FZD3: variants seen among roughly 807,000 people sequenced by gnomAD.
FZD3 encodes frizzled class receptor 3.
FZD3 carries 30 observed loss-of-function variants against 60.7 expected under a neutral mutation model. The ratio of observed to expected loss-of-function variants is 0.49; its 90% confidence interval spans 0.37 to 0.67. FZD3 has a LOEUF of 0.67. Ranked by LOEUF, FZD3 falls within the 30% of genes least tolerant of loss-of-function variation. The probability of loss-of-function intolerance (pLI) is 0.00; values close to 1 mark genes in which losing one functional copy is unlikely to be tolerated. For missense variants in FZD3, 605 were observed against 838.7 expected, an observed-to-expected ratio of 0.72 and a Z score of 3.44; for synonymous variants, 246 against 275.2, an observed-to-expected ratio of 0.89 and a Z score of 1.05.
At chr8:28,535,251 G>A (rs1025351964) in intron 5 of FZD3, among the ~76,000 whole-genome samples, 5 of 151,902 alleles carry the variant, frequency 3.3e-5, no homozygotes, top group African/African-American at 9.7e-5. Context: ...AAATAAAATT[G>A]TAGGTTTTAG....
chr8:28,563,057 T>C lies in FZD3; in HGVS notation c.*46T>C, dbSNP rs748452202. ...AATCTTGTGCTGTTTAAAAAGCAGA[T>C]TTTATTCTTTGCCTTTTGCATGACT... On this transcript the variant is annotated 3_prime_UTR_variant, in exon 8 of 8. Coordinates refer to ENST00000240093, the MANE Select transcript of FZD3 (RefSeq NM_017412.4). 3.0e-6 allele frequency: 4 copies of C among 1,325,328 alleles called. No homozygotes were observed. In the South Asian group the frequency reaches 4.7e-5, roughly 16 times the overall value. 82.1% of individuals were successfully genotyped at this position (1,325,328 alleles called of 1,614,324 possible). A position where few individuals can be genotyped will look rare whatever the true frequency, so the allele number is the denominator to read the frequency against.
chr8:28,570,068 A>G lies in FZD3; in HGVS notation c.*7057A>G, dbSNP rs1805776846. ...TTTATTACATAAATATAGTTGCCAG[A>G]TTGCCATGGGCAAGTGAATGTCTTC... is the stretch of plus-strand genomic sequence containing the variant. On this transcript the variant is annotated 3_prime_UTR_variant, in exon 8 of 8. Transcript: ENST00000240093. The G allele has an allele frequency of 6.6e-6, 1 of 152,268 alleles. No individual in the cohort carries two copies. Among genetic ancestry groups the G allele is most frequent in the Non-Finnish European group, 1.5e-5 (1 of 68,046 alleles). The allele number at this position is 152,268 out of a possible 1,614,324, so 9.4% of individuals were successfully genotyped here.
rs1204552510 is a variant in FZD3 at position 28,569,150 on chromosome 8, A to G, written c.*6139A>G. On this transcript the variant is annotated 3_prime_UTR_variant, in exon 8 of 8. Transcript: ENST00000240093. ...AAGTCAGCTTGTTTGTATATGCTAA[A>G]TTGCAGATATTTCTTTGTGTTGTGC... is the stretch of plus-strand genomic sequence containing the variant. The G allele has an allele frequency of 6.8e-6, 1 of 148,106 alleles. No homozygotes were observed. The highest frequency in any genetic ancestry group is 2.5e-5 in the African/African-American group (1 of 40,126). The allele number at this position is 148,106 out of a possible 1,614,324, so 9.2% of individuals were successfully genotyped here.
chr8:28,530,079 T>C (rs1300340043), intron 5 of FZD3, among the ~76,000 whole-genome samples: 1 of 145,884 alleles, frequency 6.9e-6, no homozygotes, highest in African/African-American at 2.5e-5. Context: ...TGAGCTACAC[T>C]GAAATATATC....
chr8:28,514,028 G>C (rs912234168), intron 3 of FZD3, among the ~76,000 whole-genome samples: 44 of 152,184 alleles, frequency 2.9e-4, no homozygotes, highest in African/African-American at 9.9e-4. Context: ...ACAAAGAATG[G>C]AAGGTTCCCT....
intron 4 of FZD3, among the ~76,000 whole-genome samples, chr8:28,523,614 AT>A (rs111931957): frequency 2.6e-5 from 4 of 150,994 alleles, no homozygotes; most frequent in African/African-American, 9.7e-5. Context: ...AAAAAAAAAA[AT>A]TTGTAGAGAT....
At position 28,494,226 on chromosome 8, in the gene FZD3, T is replaced by C. The variant is rs533143561; in HGVS notation, c.-508T>C. On this transcript the variant is annotated 5_prime_UTR_variant, in exon 1 of 8. Transcript: ENST00000240093. ...CCCCGGTGCTCGCGAAAGCTCGCTGTCGCTGGGAGGCGCGCGCCGGCGTTC... is the reference window on the plus strand; with the variant it reads ...CCCCGGTGCTCGCGAAAGCTCGCTGCCGCTGGGAGGCGCGCGCCGGCGTTC... The C allele has an allele frequency of 3.3e-5, 5 of 151,838 alleles. No homozygotes were observed. In the South Asian group the frequency reaches 1.0e-3, roughly 32 times the overall value. The allele number at this position is 151,838 out of a possible 1,614,324, so 9.4% of individuals were successfully genotyped here.
At chr8:28,519,821 T>A (rs1347602139) in intron 3 of FZD3, among the ~76,000 whole-genome samples, 3 of 151,994 alleles carry the variant, frequency 2.0e-5, no homozygotes, top group Admixed American at 2.0e-4. Context: ...ATATTACTAC[T>A]TACCTTCCTC....
At chr8:28,507,297 G>A (rs959421416) in intron 3 of FZD3, among the ~76,000 whole-genome samples, 4 of 151,886 alleles carry the variant, frequency 2.6e-5, no homozygotes, top group Non-Finnish European at 1.5e-5. Context: ...GTTTCCCATA[G>A]TCTTTATTTT....
At chr8:28,539,359 A>G in intron 5 of FZD3, among the ~76,000 whole-genome samples, 1 of 152,186 alleles carries the variant, frequency 6.6e-6, no homozygotes, top group Non-Finnish European at 1.5e-5. Flanking sequence ...TGCCTTAGTC[A>G]TATATCAAGT....
intron 5 of FZD3, among the ~76,000 whole-genome samples, chr8:28,541,551 G>A (rs994225531): frequency 3.6e-4 from 55 of 152,268 alleles, no homozygotes; most frequent in African/African-American, 1.2e-3. Context: ...TTGGAAGATA[G>A]GGTTTCTCTC....
Position 28,502,318 on chromosome 8 carries a change from A to G in FZD3, c.-344-352A>G, listed in dbSNP as rs570458751. ...CAATAATTTAGGTTATAAGCGTAAT[A>G]TTTATTATTTAAATAAAATTTAGGA... On this transcript the variant is annotated intron_variant, in intron 2 of 7. Transcript: ENST00000240093. Among the ~76,000 whole-genome samples, 7 of 152,318 alleles carry G rather than the reference A, an allele frequency of 4.6e-5. No individual in the cohort carries two copies. The South Asian group carries it at 1.4e-3, about 32-fold the overall frequency.
chr8:28,547,626 C>A (rs927121689), intron 5 of FZD3, among the ~76,000 whole-genome samples: 1 of 152,148 alleles, frequency 6.6e-6, no homozygotes, highest in Non-Finnish European at 1.5e-5. Flanking sequence ...TGAGTCTGAG[C>A]TCTAGGTGTG....
At chr8:28,547,063 A>T (rs1805312337) in intron 5 of FZD3, among the ~76,000 whole-genome samples, 1 of 152,178 alleles carries the variant, frequency 6.6e-6, no homozygotes, top group Admixed American at 6.5e-5. Context: ...TGTGTTTCCC[A>T]GCTTCCCAGT....
chr8:28,560,832 T>C (rs1805599919), intron 7 of FZD3, among the ~76,000 whole-genome samples: 1 of 152,168 alleles, frequency 6.6e-6, no homozygotes, highest in Admixed American at 6.5e-5. Flanking sequence ...ATTATTAGTC[T>C]AGAATAACAA....
At chr8:28,507,526 A>G (rs1032472446) in intron 3 of FZD3, among the ~76,000 whole-genome samples, 13 of 152,208 alleles carry the variant, frequency 8.5e-5, no homozygotes, top group Admixed American at 2.6e-4. Context: ...TCCTAGACCA[A>G]TAGTTTTGTT....
chr8:28,501,543 C>G (rs943930532), intron 2 of FZD3, among the ~76,000 whole-genome samples: 6 of 152,202 alleles, frequency 3.9e-5, no homozygotes, highest in African/African-American at 9.7e-5. Flanking sequence ...ATAAGACTAT[C>G]CAATGCATAT....
intron 7 of FZD3, among the ~76,000 whole-genome samples, chr8:28,556,550 C>A (rs974272537): frequency 3.3e-5 from 5 of 152,106 alleles, no homozygotes; most frequent in African/African-American, 1.2e-4. Flanking sequence ...TTGTAATTGA[C>A]AATTGAACTA....
intron 3 of FZD3, among the ~76,000 whole-genome samples, chr8:28,516,299 T>C (rs34932761): frequency 0.52 from 79,198 of 152,008 alleles, 21,356 homozygotes; most frequent in South Asian, 0.63. Flanking sequence ...ATTCCTATAA[T>C]AGCTTTGTGA....
Sources: gnomAD v4.1 joint callset for allele counts (sites outside exome capture counted in the v4.1 genomes callset) on GRCh38, gnomAD v4.1.1 for gene constraint, MANE v1.5 for transcripts, NCBI Gene and HGNC (gene_info 2026-07-23, HGNC 2026-07-21) for gene names.